Variants in CYTH3 observed in about 807,000 individuals in gnomAD.
The protein encoded by CYTH3 is cytohesin-3.
In CYTH3, 23 loss-of-function variants were observed where a neutral mutation model predicts 55.1. The observed-to-expected ratio is 0.42, with a 90% CI of 0.30 to 0.59. The LOEUF (loss-of-function observed/expected upper bound fraction) is 0.59, where lower values mean the gene tolerates loss of function less well. Ranked by LOEUF, CYTH3 falls within the 20% of genes least tolerant of loss-of-function variation. CYTH3 has a pLI of 0.20. For synonymous variants in CYTH3, 249 were observed against 194.9 expected, an observed-to-expected ratio of 1.28 and a Z score of -2.31; for missense variants, 413 against 524.8, an observed-to-expected ratio of 0.79 and a Z score of 2.08.
Position 6,272,543 on chromosome 7 carries a change from C to A in CYTH3, c.-36G>T. The A allele has an allele frequency of 7.9e-7, 1 of 1,268,622 alleles. No individual in the cohort carries two copies. The allele number at this position is 1,268,622 out of a possible 1,614,324, so 78.6% of individuals were successfully genotyped here. On this transcript the variant is annotated 5_prime_UTR_variant, in exon 1 of 13. Coordinates refer to ENST00000350796, the MANE Select transcript of CYTH3 (RefSeq NM_004227.4). Reference sequence around the variant, plus strand: ...CTCCCGCAGCCGGCGAGCCGGGGGCCGGCAGCAGAGGGGCCGCGGGCTGGG... The same window carrying A: ...CTCCCGCAGCCGGCGAGCCGGGGGCAGGCAGCAGAGGGGCCGCGGGCTGGG...
At chr7:6,199,232 G>A (rs1784005925) in intron 1 of CYTH3, among the ~76,000 whole-genome samples, 1 of 152,208 alleles carries the variant, frequency 6.6e-6, no homozygotes, top group South Asian at 2.1e-4. Context: ...GAGACTCACA[G>A]TTGTTGAGGT....
rs1783161128 is a variant in CYTH3, at chr7:6,170,773, G to T, written c.711+57C>A. The T allele has an allele frequency of 1.9e-6, 3 of 1,576,920 alleles. No individual in the cohort carries two copies. Among genetic ancestry groups the T allele is most frequent in the Non-Finnish European group, 2.6e-6 (3 of 1,160,852 alleles). On this transcript the variant is annotated intron_variant, in intron 8 of 12. Transcript: ENST00000350796. This position sits in a 1 kb window ranked among gnomAD's most constrained non-coding sequence, Gnocchi z 7.8. ...CGTGTCTAGAGCCGCGGGCGCTGCGGCCGCTCACAGCGAAGAGATCCTGCA... is the reference window on the plus strand; with the variant it reads ...CGTGTCTAGAGCCGCGGGCGCTGCGTCCGCTCACAGCGAAGAGATCCTGCA...
rs142160586 is a variant in CYTH3 at position 6,190,483 on chromosome 7, C to T, written c.83G>A (p.Arg28His). 6 of 1,469,596 alleles carry T rather than the reference C, an allele frequency of 4.1e-6. No homozygotes were observed. The African/African-American group carries it at 6.0e-5, about 15-fold the overall frequency. The allele number at this position is 1,469,596 out of a possible 1,614,324, so 91.0% of individuals were successfully genotyped here. A position where few individuals can be genotyped will look rare whatever the true frequency, so the allele number is the denominator to read the frequency against. ...ATCAATAAGTTCCTTTTTTCTTCGA[C>T]GAATGTCTAGAAGTTCTTCTCTCTC... ...LEEREELLDI[R>H]RRKKELIDDI... The change falls in exon 2 of 13, where the codon CGT (arginine) becomes CAT (histidine). Residue 28 changes from arginine to histidine, a missense_variant. Coordinates refer to ENST00000350796, the MANE Select transcript of CYTH3 (RefSeq NM_004227.4).
chr7:6,206,772 C>G (rs1784196868), intron 1 of CYTH3, among the ~76,000 whole-genome samples: 1 of 152,160 alleles, frequency 6.6e-6, no homozygotes, highest in African/African-American at 2.4e-5. Flanking sequence ...TCAGGACAAT[C>G]CAGTCTAAGG....
intron 1 of CYTH3, among the ~76,000 whole-genome samples, chr7:6,239,688 AAT>A (rs1449396077): frequency 5.3e-5 from 8 of 152,232 alleles, no homozygotes; most frequent in African/African-American, 1.9e-4. Context: ...ATATAAAATT[AAT>A]ATAGAGAAAT....
In CYTH3 at chr7:6,186,757, G is replaced by A. The variant is rs565985343; in HGVS notation, c.249+293C>T. Among the ~76,000 whole-genome samples, 23 of 152,316 alleles carry A rather than the reference G, an allele frequency of 1.5e-4. No individual in the cohort carries two copies. The South Asian group carries it at 4.8e-3, about 32-fold the overall frequency. ...GCCTCGACAGCAAGGGCACTGCCTG[G>A]AGCCAAGCCCGGCCTGTGCTGAGTC... On this transcript the variant is annotated intron_variant, in intron 4 of 12. Transcript: ENST00000350796.
In CYTH3 at chr7:6,164,848, G is replaced by T. The variant is rs1782940207; in HGVS notation, c.*96C>A. ...CTGGAGCAGCAGCTTGCACCGCAGG[G>T]CGACTGCCTCCCTGCCACGCCTTCC... On this transcript the variant is annotated 3_prime_UTR_variant, in exon 13 of 13. Coordinates refer to ENST00000350796, the MANE Select transcript of CYTH3 (RefSeq NM_004227.4). 7.3e-7 allele frequency: 1 copy of T among 1,368,386 alleles called. No individual in the cohort carries two copies. Among genetic ancestry groups the T allele is most frequent in the Admixed American group, 1.7e-5 (1 of 58,650 alleles). The allele number at this position is 1,368,386 out of a possible 1,614,324, so 84.8% of individuals were successfully genotyped here. A position where few individuals can be genotyped will look rare whatever the true frequency, so the allele number is the denominator to read the frequency against.
intron 9 of CYTH3, among the ~76,000 whole-genome samples, chr7:6,166,296 AC>A (rs1331561110): frequency 6.6e-6 from 1 of 152,352 alleles, no homozygotes; most frequent in East Asian, 1.9e-4. Context: ...ACACGCACGT[AC>A]CCCCATCTGT....
chr7:6,190,428 G>GTTTT (rs377416706), intron 2 of CYTH3, 21 bp downstream of exon 2: 64 of 1,265,874 alleles, frequency 5.1e-5, no homozygotes, highest in Middle Eastern at 2.3e-4. Flanking sequence ...TGGATTTTTG[G>GTTTT]TTTTTTTTTT....
intron 1 of CYTH3, among the ~76,000 whole-genome samples, chr7:6,224,013 C>A (rs1779168057): frequency 6.6e-6 from 1 of 152,046 alleles, no homozygotes; most frequent in Admixed American, 6.5e-5. Flanking sequence ...TACTGATTCA[C>A]AACTGTTATC....
At chr7:6,175,750 T>C (rs982370608) in intron 5 of CYTH3, among the ~76,000 whole-genome samples, 5 of 152,148 alleles carry the variant, frequency 3.3e-5, no homozygotes, top group Admixed American at 6.5e-5. Context: ...TTTCACCATG[T>C]TGGCCAGGCT....
intron 1 of CYTH3, among the ~76,000 whole-genome samples, chr7:6,215,589 C>CAAA (rs35017027): frequency 3.4e-4 from 21 of 61,474 alleles, no homozygotes; most frequent in African/African-American, 1.2e-3. Flanking sequence ...GTCTCCATCT[C>CAAA]AAAAAAAAAA....
intron 1 of CYTH3, among the ~76,000 whole-genome samples, chr7:6,239,565 G>C (rs1779619293): frequency 6.6e-6 from 1 of 152,210 alleles, no homozygotes; most frequent in Admixed American, 6.5e-5. Context: ...AATTAGAAAA[G>C]AGGAGATAAA....
chr7:6,248,271 G>C (rs571204568), intron 1 of CYTH3, among the ~76,000 whole-genome samples: 29 of 148,476 alleles, frequency 2.0e-4, no homozygotes, highest in African/African-American at 6.5e-4. Flanking sequence ...AGAATAGCTG[G>C]ACCTCCTCCT....
intron 1 of CYTH3, among the ~76,000 whole-genome samples, chr7:6,231,551 C>T (rs999021290): frequency 6.6e-6 from 1 of 152,220 alleles, no homozygotes; most frequent in Non-Finnish European, 1.5e-5. Context: ...CAGGTACACA[C>T]ACACATTCAG....
chr7:6,230,991 C>G (rs1779379220), intron 1 of CYTH3, among the ~76,000 whole-genome samples: 1 of 152,214 alleles, frequency 6.6e-6, no homozygotes, highest in African/African-American at 2.4e-5. Flanking sequence ...TTCTCACAGA[C>G]TTCCTACTGT....
At chr7:6,254,280 A>G (rs1391714513) in intron 1 of CYTH3, among the ~76,000 whole-genome samples, 2 of 152,198 alleles carry the variant, frequency 1.3e-5, no homozygotes, top group Non-Finnish European at 2.9e-5. Flanking sequence ...TAAAAAAAAA[A>G]GAAAGCTATA....
intron 1 of CYTH3, among the ~76,000 whole-genome samples, chr7:6,240,116 G>A (rs1435195485): frequency 1.3e-5 from 2 of 152,010 alleles, no homozygotes; most frequent in Non-Finnish European, 2.9e-5. Flanking sequence ...GACCAGCCTG[G>A]CCAACACAGT....
chr7:6,230,242 G>A (rs185036489), intron 1 of CYTH3, among the ~76,000 whole-genome samples: 3 of 152,280 alleles, frequency 2.0e-5, no homozygotes, highest in South Asian at 4.1e-4. Flanking sequence ...GCATGTGGCC[G>A]TTATTATTGT....
Sources: allele counts gnomAD v4.1 joint callset (sites outside exome capture counted in the v4.1 genomes callset), GRCh38; gene constraint gnomAD v4.1.1; non-coding constraint Gnocchi (gnomAD v3.1); transcripts MANE v1.5; gene names NCBI Gene and HGNC (gene_info 2026-07-23, HGNC 2026-07-21).